Variants in GABRR1 observed in about 807,000 individuals in gnomAD.
The protein encoded by GABRR1 is gamma-aminobutyric acid receptor subunit rho-1.
In GABRR1, 59 loss-of-function variants were observed where a neutral mutation model predicts 55.5. The ratio of observed to expected loss-of-function variants is 1.06; its 90% CI spans 0.86 to 1.32. GABRR1 has a LOEUF of 1.32. GABRR1 is among the 40% of genes most tolerant of loss of function. The pLI is 0.00. For missense variants in GABRR1, 602 were observed against 619.1 expected (o/e 0.97, Z 0.29); for synonymous variants, 213 against 226.0 (o/e 0.94, Z 0.51).
At chr6:89,225,906 C>G (rs1018357866) in intron 1 of GABRR1, among the ~76,000 whole-genome samples, 10 of 145,944 alleles carry the variant, frequency 6.9e-5, no homozygotes, top group African/African-American at 2.6e-4. Context: ...TCCTATTTCT[C>G]CACATCCTCT....
intron 5 of GABRR1, among the ~76,000 whole-genome samples, chr6:89,196,876 A>AAAGAAAGAAAG (rs1554190903): frequency 2.0e-5 from 2 of 101,876 alleles, no homozygotes; most frequent in African/African-American, 6.0e-5. Context: ...AGAAAGAAAG[A>AAAGAAAGAAAG]AAGAGAAGAG....
intron 1 of GABRR1, chr6:89,204,537 G>A (rs1246018276): frequency 3.5e-6 from 3 of 857,540 alleles, no homozygotes; most frequent in Non-Finnish European, 4.6e-6. Flanking sequence ...CCTAAAAAGG[G>A]AGACAGGAGG....
At chr6:89,229,513 C>T (rs1378031164) in intron 1 of GABRR1, among the ~76,000 whole-genome samples, 1 of 149,016 alleles carries the variant, frequency 6.7e-6, no homozygotes, top group Non-Finnish European at 1.5e-5. Flanking sequence ...ATTTCTCCTT[C>T]ACTTATGAAG....
chr6:89,226,510 T>G (rs1773205665), intron 1 of GABRR1, among the ~76,000 whole-genome samples: 1 of 152,016 alleles, frequency 6.6e-6, no homozygotes, highest in Non-Finnish European at 1.5e-5. Context: ...AGCACCATTT[T>G]TTAAACAGGG....
rs780046579 is a variant in GABRR1, at chr6:89,217,286, G to A, written c.37C>T (p.Leu13Phe). 11 of 1,613,986 alleles carry A rather than the reference G, an allele frequency of 6.8e-6. No individual in the cohort carries two copies. The African/African-American group carries it at 1.3e-4, about 20-fold the overall frequency. The change falls in exon 1 of 10, where the codon CTT becomes TTT. Residue 13 changes from leucine to phenylalanine, a missense_variant. Leu to Phe is a conservative substitution (Grantham distance 22). This residue lies in a region of GABRR1 where 435 missense variants were observed against 424.2 expected (regional missense o/e 1.03). Transcript: ENST00000454853. ...AVPNMRFGIF[L>F]LWWGWVLATE... ...GCCAAAACCCATCCCCACCACAAAAGAAAGATGCCAAATCTCATATTTGGG... is the reference window on the plus strand; with the variant it reads ...GCCAAAACCCATCCCCACCACAAAAAAAAGATGCCAAATCTCATATTTGGG...
intron 5 of GABRR1, among the ~76,000 whole-genome samples, chr6:89,191,520 G>A (rs1193964724): frequency 6.6e-6 from 1 of 152,172 alleles, no homozygotes; most frequent in Non-Finnish European, 1.5e-5. Flanking sequence ...TCTGTTAGTT[G>A]GTATAGGAAC....
chr6:89,225,096 TAC>T (rs1005745289), intron 1 of GABRR1, among the ~76,000 whole-genome samples: 2 of 152,176 alleles, frequency 1.3e-5, no homozygotes, highest in Admixed American at 6.5e-5. Flanking sequence ...CTAGAATTTT[TAC>T]AGTTTCAGGT....
Position 89,198,016 on chromosome 6 carries a change from C to G in GABRR1, c.572+4G>C. The G allele has an allele frequency of 1.2e-6, 2 of 1,612,042 alleles. No homozygotes were observed. The highest frequency in any genetic ancestry group is 1.3e-5 in the African/African-American group (1 of 74,998). On this transcript the variant is annotated splice_donor_region_variant and intron_variant, in intron 5 of 9. Transcript: ENST00000454853. ...TAATATGAATGATCTGCCTTTCTTC[C>G]TACCTGAGACTATAGAGCACTTTCC...
rs1183454345 is a variant in GABRR1 at position 89,217,292 on chromosome 6, T to C, written c.31A>G (p.Ile11Val). 10 of 1,614,190 alleles carry C rather than the reference T, an allele frequency of 6.2e-6. No homozygotes were observed. Among genetic ancestry groups the C allele is most frequent in the Non-Finnish European group, 8.5e-6 (10 of 1,180,024 alleles). Reference protein sequence around the residue: MLAVPNMRFGIFLLWWGWVLA... With the variant: MLAVPNMRFGVFLLWWGWVLA... Reference sequence around the variant, plus strand: ...ACCCATCCCCACCACAAAAGAAAGATGCCAAATCTCATATTTGGGACAGCC... The same window carrying C: ...ACCCATCCCCACCACAAAAGAAAGACGCCAAATCTCATATTTGGGACAGCC... Residue 11 changes from isoleucine (I) to valine (V), a missense_variant, in exon 1 of 10, where the codon ATC becomes GTC. Coordinates refer to ENST00000454853, the MANE Select transcript of GABRR1 (RefSeq NM_002042.5).
chr6:89,190,180 G>A lies in GABRR1; in HGVS notation c.640C>T (p.Leu214Phe). 6.2e-7 allele frequency: 1 copy of A among 1,609,704 alleles called. No individual in the cohort carries two copies. Among genetic ancestry groups the A allele is most frequent in the Admixed American group, 1.7e-5 (1 of 59,412 alleles). Residue 214 changes from leucine to phenylalanine, a missense_variant, in exon 6 of 10, where the codon CTT (leucine) becomes TTT (phenylalanine). This residue lies in a region of GABRR1 where 435 missense variants were observed against 424.2 expected (regional missense o/e 1.03). Coordinates refer to ENST00000454853, the MANE Select transcript of GABRR1 (RefSeq NM_002042.5). ...GTCTACTCACAGCTTTCAATTTCAAGAGAGCACGTTTGTGTGTCCAAGGGA... is the reference window on the plus strand; with the variant it reads ...GTCTACTCACAGCTTTCAATTTCAAAAGAGCACGTTTGTGTGTCCAAGGGA... Reference protein sequence around the residue: ...RFPLDTQTCSLEIESYAYTED... With the variant: ...RFPLDTQTCSFEIESYAYTED...
In GABRR1 at chr6:89,195,043, G is replaced by C. The variant is rs149774853; in HGVS notation, c.572+2977C>G. 8.3e-3 allele frequency among the ~76,000 whole-genome samples: 1,268 copies of C among 152,142 alleles called. 70 individuals carry two copies. Among genetic ancestry groups the C allele is most frequent in the Admixed American group, 0.063 (963 of 15,268 alleles). ...ATATACAGGTATAGGAAGGTCTGAG[G>C]ACACCAAACAGAATCAATGCAAATA... is the stretch of plus-strand genomic sequence containing the variant. On this transcript the variant is annotated intron_variant, in intron 5 of 9. Transcript: ENST00000454853.
chr6:89,191,356 G>T (rs987032022), intron 5 of GABRR1, among the ~76,000 whole-genome samples: 6 of 152,160 alleles, frequency 3.9e-5, no homozygotes, highest in Non-Finnish European at 8.8e-5. Flanking sequence ...ATTTCTATGG[G>T]TACATCATCG....
intron 2 of GABRR1, among the ~76,000 whole-genome samples, chr6:89,201,838 G>A (rs1772484677): frequency 1.3e-5 from 2 of 151,962 alleles, no homozygotes; most frequent in Admixed American, 6.6e-5. Context: ...GATTTGGACT[G>A]TCTGGGAATA....
intron 6 of GABRR1, among the ~76,000 whole-genome samples, chr6:89,186,680 A>G (rs1482065315): frequency 6.6e-6 from 1 of 152,250 alleles, no homozygotes; most frequent in African/African-American, 2.4e-5. Context: ...AGTTCTGGAG[A>G]CAATGAACTC....
At chr6:89,191,140 T>C (rs1375000810) in intron 5 of GABRR1, among the ~76,000 whole-genome samples, 1 of 152,228 alleles carries the variant, frequency 6.6e-6, no homozygotes, top group Non-Finnish European at 1.5e-5. Flanking sequence ...ATTCTTGAAA[T>C]GGAATTTTTC....
intron 2 of GABRR1, 90 bp downstream of exon 2, chr6:89,203,345 G>T: frequency 8.8e-7 from 1 of 1,137,906 alleles, no homozygotes; most frequent in Non-Finnish European, 1.3e-6. Flanking sequence ...CTTGGTGAGG[G>T]GTCGGGGAGG....
intron 1 of GABRR1, among the ~76,000 whole-genome samples, chr6:89,206,384 C>G (rs557279787): frequency 9.2e-5 from 14 of 152,286 alleles, no homozygotes; most frequent in African/African-American, 3.4e-4. Flanking sequence ...CATCTCTGTG[C>G]TTTGCTCCCG....
At chr6:89,182,578 C>T (rs1258399726) in intron 7 of GABRR1, among the ~76,000 whole-genome samples, 1 of 152,174 alleles carries the variant, frequency 6.6e-6, no homozygotes, top group Non-Finnish European at 1.5e-5. Flanking sequence ...GTATGAACTA[C>T]CATCACGCCT....
chr6:89,179,033 G>A lies in GABRR1; in HGVS notation c.1177C>T (p.Arg393Cys), dbSNP rs118018352. The stretch of plus-strand genomic sequence containing the variant: ...TAGTTGCCGTCCAGCATCGCAGTGC[G>A]GGGCGGAGGTAATCCGCTGGTGCAG... ...LPCTSGLPPP[R>C]TAMLDGNYSD... The change falls in exon 10 of 10, where the codon CGC (arginine) becomes TGC (cysteine). Residue 393 changes from arginine (R) to cysteine (C), a missense_variant. Coordinates refer to ENST00000454853, the MANE Select transcript of GABRR1 (RefSeq NM_002042.5). The A allele has an allele frequency of 2.2e-4, 362 of 1,614,000 alleles. 1 individual carries two copies. The East Asian group carries it at 6.3e-3, about 28-fold the overall frequency.
Sources: gnomAD v4.1 joint callset for allele counts (sites outside exome capture counted in the v4.1 genomes callset) on GRCh38, gnomAD v4.1.1 for gene constraint, gnomAD v4.1.1 regional missense constraint, MANE v1.5 for transcripts, NCBI Gene and HGNC (gene_info 2026-07-23, HGNC 2026-07-21) for gene names.